Variants in CCDC85A observed in about 807,000 individuals in gnomAD.
CCDC85A encodes coiled-coil domain containing 85A, also known as coiled-coil domain-containing protein 85A.
A neutral mutation model predicts 50.2 loss-of-function variants in CCDC85A; 38 were observed. The ratio of observed to expected loss-of-function variants is 0.76; its 90% CI spans 0.58 to 0.99. The LOEUF (loss-of-function observed/expected upper bound fraction) is 0.99, where lower values mean the gene tolerates loss of function less well. Ranked by LOEUF, CCDC85A falls within the 50% of genes least tolerant of loss-of-function variation. CCDC85A has a pLI of 0.00. For missense variants in CCDC85A, 820 were observed against 742.0 expected, an observed-to-expected ratio of 1.11 and a Z score of -1.22; for synonymous variants, 366 against 301.4, an observed-to-expected ratio of 1.21 and a Z score of -2.22.
chr2:56,344,179 A>G (rs918021973), intron 3 of CCDC85A, among the ~76,000 whole-genome samples: 2 of 152,208 alleles, frequency 1.3e-5, no homozygotes, highest in Admixed American at 6.5e-5. Context: ...ACATAAATAT[A>G]TATGATAAAG....
chr2:56,375,715 T>C, intron 4 of CCDC85A, 101 bp from the exon 5 acceptor site: 2 of 1,247,442 alleles, frequency 1.6e-6, no homozygotes, highest in Non-Finnish European at 2.3e-6. Context: ...AGTAACAAAA[T>C]GGCTAATTCT....
chr2:56,212,735 A>G (rs939163232), intron 2 of CCDC85A, among the ~76,000 whole-genome samples: 1 of 152,032 alleles, frequency 6.6e-6, no homozygotes, highest in African/African-American at 2.4e-5. Flanking sequence ...GAATTTTCAC[A>G]AAAATCCTAT....
rs114525014 is a variant in CCDC85A at position 56,363,776 on chromosome 2, G to A, written c.1318-8568G>A. On this transcript the variant is annotated intron_variant, in intron 3 of 5. Transcript: ENST00000407595. The stretch of plus-strand genomic sequence containing the variant: ...GAGGTGTTTAACACAATTATTAATC[G>A]GCTCTGGTCTGCAAGTCAGATGCAA... 2.3e-3 allele frequency among the ~76,000 whole-genome samples: 345 copies of A among 152,184 alleles called. 1 individual carries two copies. Among genetic ancestry groups the A allele is most frequent in the African/African-American group, 8.1e-3 (335 of 41,516 alleles).
At chr2:56,212,991 G>C (rs948078587) in intron 2 of CCDC85A, among the ~76,000 whole-genome samples, 4 of 152,064 alleles carry the variant, frequency 2.6e-5, no homozygotes, top group Non-Finnish European at 5.9e-5. Context: ...TTGACAATTA[G>C]ATAGCCATCT....
intron 2 of CCDC85A, among the ~76,000 whole-genome samples, chr2:56,275,844 T>C (rs1245690225): frequency 6.6e-6 from 1 of 152,232 alleles, no homozygotes; most frequent in African/African-American, 2.4e-5. Context: ...CTTTCTCACT[T>C]CTGAGAATCA....
chr2:56,294,295 C>G (rs1346514138), intron 2 of CCDC85A, among the ~76,000 whole-genome samples: 1 of 151,986 alleles, frequency 6.6e-6, no homozygotes, highest in Non-Finnish European at 1.5e-5. Flanking sequence ...TGGGGGGTGG[C>G]AGGGGAAGGA....
At chr2:56,232,026 A>C (rs1285950049) in intron 2 of CCDC85A, among the ~76,000 whole-genome samples, 1 of 151,778 alleles carries the variant, frequency 6.6e-6, no homozygotes, top group Non-Finnish European at 1.5e-5. Flanking sequence ...CCTCTGCTTG[A>C]CTTCTCAATG....
chr2:56,192,349 A>T lies in CCDC85A; in HGVS notation c.277-128A>T. 7.5e-7 allele frequency: 1 copy of T among 1,324,906 alleles called. No homozygotes were observed. Among genetic ancestry groups the T allele is most frequent in the Non-Finnish European group, 1.0e-6 (1 of 972,690 alleles). 82.1% of individuals were successfully genotyped at this position (1,324,906 alleles called of 1,614,324 possible). A position where few individuals can be genotyped will look rare whatever the true frequency, so the allele number is the denominator to read the frequency against. ...AGCTACAAATCTTCAGCTTCCTCCT[A>T]CTCCCTCACCTCCTCCCCTAACCTC... On this transcript the variant is annotated intron_variant, in intron 1 of 5. Coordinates refer to ENST00000407595, the MANE Select transcript of CCDC85A (RefSeq NM_001080433.2). This position sits in a 1 kb window ranked among gnomAD's most constrained non-coding sequence, Gnocchi z 4.7.
chr2:56,236,300 A>G (rs1313471940), intron 2 of CCDC85A, among the ~76,000 whole-genome samples: 1 of 152,196 alleles, frequency 6.6e-6, no homozygotes, highest in Non-Finnish European at 1.5e-5. Flanking sequence ...GCAGAGAAGC[A>G]ACACAATCAT....
intron 2 of CCDC85A, among the ~76,000 whole-genome samples, chr2:56,274,169 C>T (rs1000037018): frequency 6.6e-6 from 1 of 152,052 alleles, no homozygotes; most frequent in Non-Finnish European, 1.5e-5. Context: ...TTACCCCTGC[C>T]CCTACCATTG....
At chr2:56,375,459 G>A (rs2104397259) in intron 4 of CCDC85A, among the ~76,000 whole-genome samples, 1 of 152,280 alleles carries the variant, frequency 6.6e-6, no homozygotes, top group South Asian at 2.1e-4. Context: ...TATGGCATTT[G>A]GCTTGCTGAG....
rs145940643 is a variant in CCDC85A, at chr2:56,252,562, C to T, written c.1240+59122C>T. Among the ~76,000 whole-genome samples, 1,066 of 152,070 alleles carry T rather than the reference C, an allele frequency of 7.0e-3. 9 individuals carry two copies. Among genetic ancestry groups the T allele is most frequent in the African/African-American group, 0.024 (1,012 of 41,472 alleles). On this transcript the variant is annotated intron_variant, in intron 2 of 5. Coordinates refer to ENST00000407595, the MANE Select transcript of CCDC85A (RefSeq NM_001080433.2). The stretch of plus-strand genomic sequence containing the variant: ...GTATTTTTTTTTTAGGTTTATTATA[C>T]TTTAAGTTCTGGGATACGTGTGCAG...
At chr2:56,235,339 T>A (rs1668959451) in intron 2 of CCDC85A, 1 of 152,094 alleles carries the variant, frequency 6.6e-6, no homozygotes, top group South Asian at 2.1e-4. Context: ...ACAGCATAGG[T>A]AGTTTTATAT....
At chr2:56,188,051 G>T (rs916698695) in intron 1 of CCDC85A, among the ~76,000 whole-genome samples, 3 of 152,166 alleles carry the variant, frequency 2.0e-5, no homozygotes, top group African/African-American at 7.2e-5. Context: ...TAGTCTTCAG[G>T]CATAAGATTG....
At chr2:56,298,733 G>A (rs150341058) in intron 2 of CCDC85A, among the ~76,000 whole-genome samples, 3 of 152,268 alleles carry the variant, frequency 2.0e-5, no homozygotes, top group African/African-American at 7.2e-5. Flanking sequence ...GTGGGAATTA[G>A]GAGAGGCAGT....
intron 3 of CCDC85A, among the ~76,000 whole-genome samples, chr2:56,354,390 A>G (rs1290183441): frequency 6.6e-6 from 1 of 152,244 alleles, no homozygotes; most frequent in African/African-American, 2.4e-5. Context: ...CATATAAATC[A>G]AAGTCATCTG....
At chr2:56,355,865 G>A (rs1025242600) in intron 3 of CCDC85A, among the ~76,000 whole-genome samples, 2 of 152,160 alleles carry the variant, frequency 1.3e-5, no homozygotes, top group Admixed American at 6.5e-5. Context: ...TGCAAGGCAG[G>A]AGTTCTAATA....
In CCDC85A at chr2:56,219,715, C is replaced by T. The variant is rs1005097783; in HGVS notation, c.1240+26275C>T. Reference sequence around the variant, plus strand: ...GAGTGTACAATGTTCTTCCACTTCACTTGAATAATATCTTAACTTCACTTT... The same window carrying T: ...GAGTGTACAATGTTCTTCCACTTCATTTGAATAATATCTTAACTTCACTTT... On this transcript the variant is annotated intron_variant, in intron 2 of 5. Coordinates refer to ENST00000407595, the MANE Select transcript of CCDC85A (RefSeq NM_001080433.2). Among the ~76,000 whole-genome samples, 4 of 151,950 alleles carry T rather than the reference C, an allele frequency of 2.6e-5. No individual in the cohort carries two copies. The South Asian group carries it at 8.3e-4, about 31-fold the overall frequency.
chr2:56,327,275 C>CTAAAGA (rs1224874117), intron 2 of CCDC85A, among the ~76,000 whole-genome samples: 1 of 152,114 alleles, frequency 6.6e-6, no homozygotes, highest in Admixed American at 6.6e-5. Flanking sequence ...TCTGAAAGAT[C>CTAAAGA]ATCTACCTCA....
Sources: gnomAD v4.1 joint callset for allele counts (sites outside exome capture counted in the v4.1 genomes callset) on GRCh38, gnomAD v4.1.1 for gene constraint, Gnocchi (gnomAD v3.1) non-coding constraint, MANE v1.5 for transcripts, NCBI Gene and HGNC (gene_info 2026-07-23, HGNC 2026-07-21) for gene names.